LILRB5: variants seen among roughly 807,000 people sequenced by gnomAD.
The protein encoded by LILRB5 is leukocyte immunoglobulin-like receptor subfamily B member 5.
A neutral mutation model predicts 68.4 loss-of-function variants in LILRB5; 61 were observed. The observed-to-expected ratio is 0.89, with a 90% CI of 0.73 to 1.10. The LOEUF is 1.10. Ranked by LOEUF, LILRB5 falls within the 50% of genes least tolerant of loss-of-function variation. The pLI is 0.00. For synonymous variants in LILRB5, 356 were observed against 315.8 expected, an observed-to-expected ratio of 1.13 and a Z score of -1.35; for missense variants, 771 against 751.6, an observed-to-expected ratio of 1.03 and a Z score of -0.30.
Position 54,256,070 on chromosome 19 carries a change from T to G in LILRB5, c.628A>C (p.Ser210Arg). Residue 210 changes from serine to arginine, a missense_variant, in exon 4 of 13, where the codon AGT (serine) becomes CGT (arginine). Ser to Arg is a moderately radical substitution (Grantham distance 110). Coordinates refer to ENST00000449561, the MANE Select transcript of LILRB5 (RefSeq NM_001081442.3). ...GGGACCAGAATCTCCAGGAGGTCAC[T>G]GGGGTTCGACCACACCTGAGGGTTT... ...RKNPQVWSNP[S>R]DLLEILVPGV... 1 of 1,555,704 alleles carries G rather than the reference T, an allele frequency of 6.4e-7. No individual in the cohort carries two copies. The highest frequency in any genetic ancestry group is 8.7e-7 in the Non-Finnish European group (1 of 1,153,920).
rs759413117 is a variant in LILRB5, at chr19:54,252,894, T to C, written c.1451A>G (p.His484Arg). The C allele has an allele frequency of 1.7e-5, 27 of 1,598,850 alleles. No homozygotes were observed. Among genetic ancestry groups the C allele is most frequent in the Non-Finnish European group, 2.3e-5 (27 of 1,170,656 alleles). ...ACCCGATGTCCTGTGTTTGCTCTGA[T>C]GCCGATGTCGGAGGAGGAGGAAGAG... ...LLLFLLLRHR[H>R]QSKHRTSAHF... Residue 484 changes from histidine (H) to arginine (R), a missense_variant, in exon 9 of 13, where the codon CAT (histidine) becomes CGT (arginine). Coordinates refer to ENST00000449561, the MANE Select transcript of LILRB5 (RefSeq NM_001081442.3).
intron 2 of LILRB5, 79 bp downstream of exon 2, chr19:54,256,882 C>A (rs979126093): frequency 4.4e-5 from 71 of 1,611,146 alleles, no homozygotes; most frequent in Non-Finnish European, 1.1e-5. Context: ...GAACAGCTAT[C>A]TCCACCCCCA....
chr19:54,255,082 G>A (rs1370522797), intron 5 of LILRB5, 45 bp from the exon 6 acceptor site: 1 of 1,554,442 alleles, frequency 6.4e-7, no homozygotes, highest in East Asian at 2.3e-5. Flanking sequence ...ACCTTGCTCT[G>A]AGCTGAGACC....
intron 8 of LILRB5, 93 bp downstream of exon 8, chr19:54,253,925 T>C (rs2079035580): frequency 1.3e-6 from 2 of 1,548,890 alleles, no homozygotes. Context: ...GCTTGTGCAC[T>C]TCACCATCTC....
chr19:54,255,354 C>T lies in LILRB5; in HGVS notation c.884G>A (p.Cys295Tyr), dbSNP rs748076167. The T allele has an allele frequency of 2.2e-5, 36 of 1,613,934 alleles. No homozygotes were observed. Among genetic ancestry groups the T allele is most frequent in the Non-Finnish European group, 2.9e-5 (34 of 1,180,028 alleles). ...AGGGGAGAGGTTGTGTGCACCGTAGCATCTGTACTGGCCCCCGTGGGAGCG... is the reference window on the plus strand; with the variant it reads ...AGGGGAGAGGTTGTGTGCACCGTAGTATCTGTACTGGCCCCCGTGGGAGCG... ...VSRSHGGQYR[C>Y]YGAHNLSPRW... The change falls in exon 5 of 13, where the codon TGC (cysteine) becomes TAC (tyrosine). Residue 295 changes from cysteine (C) to tyrosine (Y), a missense_variant. Physicochemically the swap from Cys to Tyr is radical, Grantham distance 194 (BLOSUM62 -2). Coordinates refer to ENST00000449561, the MANE Select transcript of LILRB5 (RefSeq NM_001081442.3).
rs769826473 is a variant in LILRB5 at position 54,256,289 on chromosome 19, C to T, written c.409G>A (p.Gly137Arg). ...TCACACTGGAGGGTCACATTTCCTC[C>T]TGAGGCCACCACAGGACTCGGCAGG... Reference protein sequence around the residue: ...LALPSPVVASGGNVTLQCDTL... With the variant: ...LALPSPVVASRGNVTLQCDTL... Residue 137 changes from glycine to arginine, a missense_variant, in exon 4 of 13, where the codon GGA becomes AGA. Coordinates refer to ENST00000449561, the MANE Select transcript of LILRB5 (RefSeq NM_001081442.3). 2.5e-6 allele frequency: 4 copies of T among 1,613,512 alleles called. No individual in the cohort carries two copies. Among genetic ancestry groups the T allele is most frequent in the Non-Finnish European group, 3.4e-6 (4 of 1,179,884 alleles).
At position 54,255,831 on chromosome 19, in the gene LILRB5, C is replaced by T. The variant is rs906630036; in HGVS notation, c.655+212G>A. 6.1e-6 allele frequency: 4 copies of T among 652,036 alleles called. No individual in the cohort carries two copies. The African/African-American group carries it at 7.3e-5, about 12-fold the overall frequency. 40.4% of individuals were successfully genotyped at this position (652,036 alleles called of 1,614,324 possible). A position where few individuals can be genotyped will look rare whatever the true frequency, so the allele number is the denominator to read the frequency against. On this transcript the variant is annotated intron_variant, in intron 4 of 12. Coordinates refer to ENST00000449561, the MANE Select transcript of LILRB5 (RefSeq NM_001081442.3). ...GGGACAGGAAATTGCAGCAAATACA[C>T]CCATTGCCTTCCTGAGTCGACCCCT...
rs1282283770 is a variant in LILRB5 at position 54,250,676 on chromosome 19, AG to A, written c.*109del. ...CCAGGATGTCCTGGTGGTCTTTGTT[AG>A]GGGTCCAGGCTGGCTGGGGTTCATT... On this transcript the variant is annotated 3_prime_UTR_variant, in exon 13 of 13. Transcript: ENST00000449561. 1 of 1,379,192 alleles carries A rather than the reference AG, an allele frequency of 7.3e-7. No individual in the cohort carries two copies. The highest frequency in any genetic ancestry group is 1.0e-6 in the Non-Finnish European group (1 of 1,000,620). 85.4% of individuals were successfully genotyped at this position (1,379,192 alleles called of 1,614,324 possible).
Position 54,256,780 on chromosome 19 carries a change from T to C in LILRB5, c.71-7A>G. 1 of 1,613,288 alleles carries C rather than the reference T, an allele frequency of 6.2e-7. No homozygotes were observed. ...GTGGGTTTGGGGAGGGTGCCTAGAA[T>C]GGAATCAGAGGCTGGATCCCAAGAC... On this transcript the variant is annotated splice_polypyrimidine_tract_variant and splice_region_variant and intron_variant, in intron 2 of 12. Coordinates refer to ENST00000449561, the MANE Select transcript of LILRB5 (RefSeq NM_001081442.3).
chr19:54,252,252 A>G, intron 11 of LILRB5, 114 bp downstream of exon 11: 1 of 1,457,218 alleles, frequency 6.9e-7, no homozygotes, highest in Non-Finnish European at 9.5e-7. Flanking sequence ...GTGGGTTCAG[A>G]CCGCCTCCCC....
At chr19:54,251,188 G>C (rs10425476) in intron 12 of LILRB5, 1 of 1,497,070 alleles carries the variant, frequency 6.7e-7, no homozygotes, top group South Asian at 1.2e-5. Flanking sequence ...AGACAGTGGT[G>C]GGGGGTGTCC....
chr19:54,255,531 C>G lies in LILRB5; in HGVS notation c.707G>C (p.Arg236Pro), dbSNP rs574366743. The change falls in exon 5 of 13, where the codon CGC becomes CCC. Residue 236 changes from arginine (R) to proline (P), a missense_variant. By Grantham distance (103) the Arg-to-Pro change is moderately radical. Transcript: ENST00000449561. Reference protein sequence around the residue: ...LLIPQGSVVARGGSLTLQCRS... With the variant: ...LLIPQGSVVAPGGSLTLQCRS... ...ACACTGCAGGGTCAGGCTGCCTCCG[C>G]GGGCCACGACAGAGCCCTGCGGGAT... 1 of 1,613,910 alleles carries G rather than the reference C, an allele frequency of 6.2e-7. No homozygotes were observed. The highest frequency in any genetic ancestry group is 8.5e-7 in the Non-Finnish European group (1 of 1,179,918).
rs748613031 is a variant in LILRB5 at position 54,256,931 on chromosome 19, G to A, written c.70+30C>T. 18 of 1,614,174 alleles carry A rather than the reference G, an allele frequency of 1.1e-5. No homozygotes were observed. The Admixed American group carries it at 3.0e-4, about 27-fold the overall frequency. On this transcript the variant is annotated intron_variant, in intron 2 of 12. Transcript: ENST00000449561. The stretch of plus-strand genomic sequence containing the variant: ...GGGCCCTTGTCCCCAGTGAGAAGAA[G>A]GGACCTGGGACAGCTGGGGACAGAC...
rs764007939 is a variant in LILRB5 at position 54,256,757 on chromosome 19, G to T, written c.87C>A (p.Pro29=). The change falls in exon 3 of 13, where the codon CCC becomes CCA. Residue 29 remains proline, a synonymous_variant. Transcript: ENST00000449561. The part of the protein sequence containing the change: ...TCVQAGTLPK[P]TLWAEPASVI... ...CAGAGGCTGGCTCAGCCCAGAGGGT[G>T]GGTTTGGGGAGGGTGCCTAGAATGG... 6.2e-7 allele frequency: 1 copy of T among 1,613,990 alleles called. No individual in the cohort carries two copies. Among genetic ancestry groups the T allele is most frequent in the South Asian group, 1.1e-5 (1 of 91,082 alleles).
chr19:54,257,015 T>A lies in LILRB5; in HGVS notation c.35-19A>T. 1 of 1,614,230 alleles carries A rather than the reference T, an allele frequency of 6.2e-7. No individual in the cohort carries two copies. The highest frequency in any genetic ancestry group is 1.1e-5 in the South Asian group (1 of 91,092). ...CTCAGCCCTGGAAGAGAGTTCCCTGTGAGGGATTTGCCCCTGGAAGCCCCA... is the reference window on the plus strand; with the variant it reads ...CTCAGCCCTGGAAGAGAGTTCCCTGAGAGGGATTTGCCCCTGGAAGCCCCA... On this transcript the variant is annotated intron_variant, in intron 1 of 12. Transcript: ENST00000449561.
At position 54,256,077 on chromosome 19, in the gene LILRB5, C is replaced by G. The variant is rs144716655; in HGVS notation, c.621G>C (p.Ser207=). 2 of 1,558,336 alleles carry G rather than the reference C, an allele frequency of 1.3e-6. No homozygotes were observed. The highest frequency in any genetic ancestry group is 8.7e-7 in the Non-Finnish European group (1 of 1,154,550). ...YYYRKNPQVW[S]NPSDLLEILV... ...GAATCTCCAGGAGGTCACTGGGGTT[C>G]GACCACACCTGAGGGTTTTTCCTGT... The change falls in exon 4 of 13, where the codon TCG becomes TCC. Residue 207 remains serine (S), a synonymous_variant. Coordinates refer to ENST00000449561, the MANE Select transcript of LILRB5 (RefSeq NM_001081442.3).
chr19:54,252,904 GGAGGAGGAGGAA>G lies in LILRB5; in HGVS notation c.1429_1440del (p.Phe477_Leu480del), dbSNP rs960365534. On this transcript the variant is annotated inframe_deletion, in exon 9 of 13. Transcript: ENST00000449561. ...CTGTGTTTGCTCTGATGCCGATGTCGGAGGAGGAGGAAGAGGAGGAGGAACAGCAGCAGGACG... is the reference window on the plus strand; with the variant it reads ...CTGTGTTTGCTCTGATGCCGATGTCGGAGGAGGAGGAACAGCAGCAGGACG... 4 of 1,593,724 alleles carry G rather than the reference GGAGGAGGAGGAA, an allele frequency of 2.5e-6. No homozygotes were observed. Among genetic ancestry groups the G allele is most frequent in the African/African-American group, 2.7e-5 (2 of 74,496 alleles).
At chr19:54,253,862 T>G in intron 8 of LILRB5, 156 bp downstream of exon 8, 3 of 1,510,132 alleles carry the variant, frequency 2.0e-6, no homozygotes, top group Non-Finnish European at 2.7e-6. Context: ...ATCCCATCAA[T>G]GCAGGCCTCT....
intron 9 of LILRB5, 103 bp from the exon 10 acceptor site, chr19:54,252,652 C>T (rs552719902): frequency 1.5e-6 from 2 of 1,334,260 alleles, no homozygotes; most frequent in South Asian, 1.2e-5. Context: ...CCCACTGGCA[C>T]TGAGGCTTTA....
Sources: allele counts gnomAD v4.1 joint callset, GRCh38; gene constraint gnomAD v4.1.1; transcripts MANE v1.5; gene names NCBI Gene and HGNC (gene_info 2026-07-23, HGNC 2026-07-21).